Variants in ASCC2 observed in about 807,000 individuals in gnomAD.
ASCC2 encodes the protein ASC-1 complex subunit P100.
Under a neutral mutation model 93.5 loss-of-function variants are expected in ASCC2, and 42 were observed. That is an observed-to-expected ratio of 0.45 (90% CI 0.35 to 0.58). ASCC2 has a LOEUF of 0.58. ASCC2 is among the 20% of genes least tolerant of loss of function. The pLI is 0.00. For missense variants in ASCC2, 859 were observed against 977.6 expected, an observed-to-expected ratio of 0.88 and a Z score of 1.62; for synonymous variants, 364 against 384.2, an observed-to-expected ratio of 0.95 and a Z score of 0.62.
At chr22:29,832,587 C>CT (rs375947944) in intron 1 of ASCC2, 9,926 of 200,024 alleles carry the variant, frequency 0.05, 16 homozygotes, top group South Asian at 0.095. Flanking sequence ...TTTCCACCCA[C>CT]TTTTTTTTTT....
Position 29,822,468 on chromosome 22 carries a change from A to G in ASCC2, c.412-4T>C. The G allele has an allele frequency of 6.2e-7, 1 of 1,613,596 alleles. No individual in the cohort carries two copies. Among genetic ancestry groups the G allele is most frequent in the Non-Finnish European group, 8.5e-7 (1 of 1,179,766 alleles). On this transcript the variant is annotated splice_region_variant and splice_polypyrimidine_tract_variant and intron_variant, in intron 4 of 19. Transcript: ENST00000307790. ...CAGAAGGGGAAATGAAGTGATCCTA[A>G]GGAAAAATGCAGAGAGAAAGGATAG...
chr22:29,791,185 G>A (rs1259968053), intron 18 of ASCC2, among the ~76,000 whole-genome samples: 2 of 152,026 alleles, frequency 1.3e-5, no homozygotes, highest in African/African-American at 4.8e-5. Flanking sequence ...AGACCAGCCT[G>A]GACAACACTG....
In ASCC2 at chr22:29,825,826, C is replaced by T. The variant is rs1297845739; in HGVS notation, c.82-46G>A. 4.5e-6 allele frequency: 7 copies of T among 1,563,312 alleles called. No individual in the cohort carries two copies. The African/African-American group carries it at 5.4e-5, about 12-fold the overall frequency. Reference sequence around the variant, plus strand: ...TGTTAACGTGGCAGAGGTTAGTCAGCGAGGGCCCATTTGCCAACCCACAGC... The same window carrying T: ...TGTTAACGTGGCAGAGGTTAGTCAGTGAGGGCCCATTTGCCAACCCACAGC... On this transcript the variant is annotated intron_variant, in intron 2 of 19. Transcript: ENST00000307790. This position sits in a 1 kb window ranked among gnomAD's most constrained non-coding sequence, Gnocchi z 4.9.
intron 15 of ASCC2, among the ~76,000 whole-genome samples, chr22:29,794,177 G>A (rs1455867832): frequency 2.7e-5 from 4 of 150,264 alleles, no homozygotes; most frequent in Non-Finnish European, 4.4e-5. Context: ...GAGCCGCTGC[G>A]CCCGGCCAAG....
intron 2 of ASCC2, among the ~76,000 whole-genome samples, chr22:29,830,350 T>C (rs1476867274): frequency 6.6e-6 from 1 of 152,190 alleles, no homozygotes; most frequent in East Asian, 1.9e-4. Context: ...ACACGAAGCC[T>C]GTACTTGCTA....
rs202074076 is a variant in ASCC2 at position 29,802,137 on chromosome 22, C to T, written c.1425G>A (p.Val475=). The change falls in exon 14 of 20, where the codon GTG becomes GTA. Residue 475 remains valine (V), a synonymous_variant. Coordinates refer to ENST00000307790, the MANE Select transcript of ASCC2 (RefSeq NM_032204.5). ...CACCAAGGTCTGGCAGCAGGTCCTTCACTTGGGAGATGAGAGAGTCCAGTT... is the reference window on the plus strand; with the variant it reads ...CACCAAGGTCTGGCAGCAGGTCCTTTACTTGGGAGATGAGAGAGTCCAGTT... The part of the protein sequence containing the change: ...GVELDSLISQ[V]KDLLPDLGEG... 4 of 1,614,220 alleles carry T rather than the reference C, an allele frequency of 2.5e-6. No individual in the cohort carries two copies. In the East Asian group the frequency reaches 8.9e-5, roughly 36 times the overall value.
chr22:29,821,856 A>T, intron 5 of ASCC2: 1 of 374,040 alleles, frequency 2.7e-6, no homozygotes, highest in Non-Finnish European at 5.3e-6. Flanking sequence ...TTAATTCGCC[A>T]GGCATGGTGG....
intron 4 of ASCC2, among the ~76,000 whole-genome samples, 160 bp downstream of exon 4, chr22:29,824,927 G>A (rs1479698115): frequency 6.6e-6 from 1 of 152,158 alleles, no homozygotes; most frequent in Non-Finnish European, 1.5e-5. Flanking sequence ...TAGAGGATAA[G>A]GGACGTGGCA....
intron 8 of ASCC2, 112 bp from the exon 9 acceptor site, chr22:29,808,297 A>G (rs1049953797): frequency 3.2e-5 from 36 of 1,124,356 alleles, no homozygotes; most frequent in Non-Finnish European, 1.3e-6. Context: ...TTTCCACACA[A>G]TTTTCTCCAG....
In ASCC2 at chr22:29,801,115, G is replaced by A. The variant is rs1178410716; in HGVS notation, c.1569-5C>T. On this transcript the variant is annotated splice_polypyrimidine_tract_variant and splice_region_variant and intron_variant, in intron 14 of 19. Transcript: ENST00000307790. The stretch of plus-strand genomic sequence containing the variant: ...GTAGGGTCTGGTTTCATTTCTCTGG[G>A]TGGGGGACACAGAGATCAATTTAAG... The A allele has an allele frequency of 6.3e-7, 1 of 1,593,558 alleles. No homozygotes were observed. The highest frequency in any genetic ancestry group is 8.6e-7 in the Non-Finnish European group (1 of 1,163,812).
chr22:29,802,253 G>T, intron 13 of ASCC2, 45 bp from the exon 14 acceptor site: 1 of 1,586,278 alleles, frequency 6.3e-7, no homozygotes, highest in Non-Finnish European at 8.6e-7. Flanking sequence ...TAAGTGGGCC[G>T]GTGATAGGGC....
Position 29,825,211 on chromosome 22 carries a change from C to T in ASCC2, c.287G>A (p.Arg96His), listed in dbSNP as rs148445502. The change falls in exon 4 of 20, where the codon CGC (arginine) becomes CAC (histidine). Residue 96 changes from arginine (R) to histidine (H), a missense_variant. Transcript: ENST00000307790. The surrounding 1 kb of genome is among the most constrained non-coding windows in gnomAD (Gnocchi z 4.9). ...CTCGTCGAATTTGCGGGGGACATAG[C>T]GCAGGTAGGAGTCCAGGCACTTCTG... ...TLQKCLDSYL[R>H]YVPRKFDEGV... The T allele has an allele frequency of 1.7e-4, 257 of 1,554,000 alleles. No homozygotes were observed. Among genetic ancestry groups the T allele is most frequent in the Non-Finnish European group, 2.1e-4 (245 of 1,150,720 alleles).
intron 12 of ASCC2, among the ~76,000 whole-genome samples, chr22:29,805,461 A>C (rs2059564000): frequency 2.0e-5 from 3 of 152,038 alleles, no homozygotes; most frequent in Non-Finnish European, 2.9e-5. Flanking sequence ...GGGCCAGTCC[A>C]TTCTCTTCCC....
chr22:29,836,328 C>G (rs1365607508), intron 1 of ASCC2: 1 of 136,770 alleles, frequency 7.3e-6, no homozygotes, highest in Non-Finnish European at 1.5e-5. Context: ...TGCAGTGAGC[C>G]GAGATCACGC....
chr22:29,802,110 C>T lies in ASCC2; in HGVS notation c.1452G>A (p.Glu484=). The T allele has an allele frequency of 6.2e-7, 1 of 1,614,190 alleles. No individual in the cohort carries two copies. Among genetic ancestry groups the T allele is most frequent in the Non-Finnish European group, 8.5e-7 (1 of 1,180,036 alleles). ...ACTCCAGGCAGGCCAGGATGAAGCC[C>T]TCACCAAGGTCTGGCAGCAGGTCCT... ...QVKDLLPDLG[E]GFILACLEYY... The change falls in exon 14 of 20, where the codon GAG becomes GAA. Residue 484 remains glutamate (E), a synonymous_variant. Coordinates refer to ENST00000307790, the MANE Select transcript of ASCC2 (RefSeq NM_032204.5).
chr22:29,837,610 G>C (rs1362425261), intron 1 of ASCC2, among the ~76,000 whole-genome samples: 1 of 152,156 alleles, frequency 6.6e-6, no homozygotes, highest in Non-Finnish European at 1.5e-5. Context: ...ATATGGCCTG[G>C]GAGCATCCCC....
intron 7 of ASCC2, 127 bp downstream of exon 7, chr22:29,814,530 G>A (rs2060617114): frequency 3.0e-6 from 2 of 658,774 alleles, no homozygotes; most frequent in Non-Finnish European, 5.0e-6. Flanking sequence ...TGTGCTGGAG[G>A]AAGGGGCCCT....
chr22:29,803,252 CA>C (rs34793933), intron 13 of ASCC2, among the ~76,000 whole-genome samples: 8 of 145,428 alleles, frequency 5.5e-5, no homozygotes, highest in Admixed American at 1.4e-4. Context: ...ACTCCATCTC[CA>C]AAAAAAAAAC....
chr22:29,832,422 A>C (rs2148392892), intron 1 of ASCC2, 80 bp from the exon 2 acceptor site: 2 of 1,123,846 alleles, frequency 1.8e-6, no homozygotes, highest in East Asian at 5.0e-5. Context: ...CTGATCCCAG[A>C]GTCAGAAGAG....
Sources: gnomAD v4.1 joint callset for allele counts (sites outside exome capture counted in the v4.1 genomes callset) on GRCh38, gnomAD v4.1.1 for gene constraint, Gnocchi (gnomAD v3.1) non-coding constraint, MANE v1.5 for transcripts, NCBI Gene and HGNC (gene_info 2026-07-23, HGNC 2026-07-21) for gene names.